DDX10: variants seen among roughly 807,000 people sequenced by gnomAD.
DDX10 encodes probable ATP-dependent RNA helicase DDX10.
Under a neutral mutation model 104.3 loss-of-function variants are expected in DDX10, and 74 were observed. The observed-to-expected ratio is 0.71, with a 90% CI of 0.59 to 0.86. The LOEUF is 0.86. Ranked by LOEUF, DDX10 falls within the 40% of genes least tolerant of loss-of-function variation. DDX10 has a pLI of 0.00. For synonymous variants in DDX10, 351 were observed against 353.4 expected, an observed-to-expected ratio of 0.99 and a Z score of 0.08; for missense variants, 952 against 1,040.0, an observed-to-expected ratio of 0.92 and a Z score of 1.16.
intron 13 of DDX10, among the ~76,000 whole-genome samples, chr11:108,832,842 A>C (rs1418558309): frequency 1.3e-5 from 2 of 152,228 alleles, no homozygotes; most frequent in Non-Finnish European, 1.5e-5. Context: ...GATATAATCA[A>C]GGCTTTTAAT....
intron 16 of DDX10, among the ~76,000 whole-genome samples, chr11:108,895,935 C>T (rs117808547): frequency 6.6e-6 from 1 of 152,168 alleles, no homozygotes; most frequent in Non-Finnish European, 1.5e-5. Context: ...ACCATTTATG[C>T]CAAAAAGAAA....
intron 13 of DDX10, among the ~76,000 whole-genome samples, chr11:108,787,479 A>G (rs564115171): frequency 5.5e-4 from 84 of 152,208 alleles, no homozygotes; most frequent in African/African-American, 1.8e-3. Flanking sequence ...AAGAATGCCA[A>G]TGAGCTGTAA....
intron 13 of DDX10, among the ~76,000 whole-genome samples, chr11:108,739,787 C>T (rs996559926): frequency 1.1e-4 from 17 of 152,076 alleles, no homozygotes; most frequent in African/African-American, 2.9e-4. Context: ...GGTCAGATGC[C>T]GAGTGAGTAT....
intron 13 of DDX10, among the ~76,000 whole-genome samples, chr11:108,812,841 G>A (rs1862202123): frequency 6.6e-6 from 1 of 151,782 alleles, no homozygotes; most frequent in Non-Finnish European, 1.5e-5. Context: ...AATTAGCCGG[G>A]CATGGTGGCA....
intron 9 of DDX10, among the ~76,000 whole-genome samples, chr11:108,694,131 C>G (rs1232106385): frequency 6.6e-6 from 1 of 152,078 alleles, no homozygotes; most frequent in Non-Finnish European, 1.5e-5. Context: ...GAAGGGTGAG[C>G]AATTTAAAAC....
intron 13 of DDX10, among the ~76,000 whole-genome samples, chr11:108,739,351 C>A (rs531561572): frequency 2.0e-5 from 3 of 152,300 alleles, no homozygotes; most frequent in Admixed American, 6.5e-5. Context: ...TGATAAGACC[C>A]TAAATTAGTG....
chr11:108,729,375 A>C, intron 13 of DDX10, among the ~76,000 whole-genome samples: 1 of 152,176 alleles, frequency 6.6e-6, no homozygotes, highest in Admixed American at 6.5e-5. Context: ...CTGATAAACT[A>C]TCAGTCCCTG....
intron 17 of DDX10, among the ~76,000 whole-genome samples, chr11:108,933,565 A>G (rs1864001187): frequency 6.6e-6 from 1 of 152,192 alleles, no homozygotes; most frequent in African/African-American, 2.4e-5. Context: ...TGATCTTTTT[A>G]TAATCTTAAA....
chr11:108,675,512 A>G, intron 2 of DDX10, 84 bp from the exon 3 acceptor site: 3 of 1,482,818 alleles, frequency 2.0e-6, no homozygotes, highest in Non-Finnish European at 2.7e-6. Context: ...CAACATAGGA[A>G]TTTTGGGGGA....
chr11:108,728,542 T>G, intron 13 of DDX10, among the ~76,000 whole-genome samples: 1 of 134,950 alleles, frequency 7.4e-6, no homozygotes, highest in African/African-American at 3.1e-5. Flanking sequence ...AGAAATAGGG[T>G]CTCGCTCTGT....
At chr11:108,684,341 C>A (rs2094240138) in intron 6 of DDX10, among the ~76,000 whole-genome samples, 1 of 95,118 alleles carries the variant, frequency 1.1e-5, no homozygotes, top group Admixed American at 1.3e-4. Flanking sequence ...CCAATGCTAT[C>A]CCTCCCCCCT....
intron 12 of DDX10, among the ~76,000 whole-genome samples, chr11:108,720,111 T>A (rs1445606086): frequency 6.6e-6 from 1 of 152,224 alleles, no homozygotes; most frequent in African/African-American, 2.4e-5. Flanking sequence ...ATTCTTAGTT[T>A]AAGCCACTCT....
chr11:108,787,034 G>T (rs988177103), intron 13 of DDX10, among the ~76,000 whole-genome samples: 1 of 152,102 alleles, frequency 6.6e-6, no homozygotes, highest in Non-Finnish European at 1.5e-5. Flanking sequence ...TTGTAAGGCT[G>T]GTGTGGTAAT....
intron 4 of DDX10, 80 bp from the exon 5 acceptor site, chr11:108,678,235 G>A: frequency 7.1e-7 from 1 of 1,411,248 alleles, no homozygotes; most frequent in Non-Finnish European, 9.5e-7. Flanking sequence ...AAATGCCCAT[G>A]CAGATGGCTT....
At chr11:108,702,323 C>T (rs61913979) in intron 9 of DDX10, among the ~76,000 whole-genome samples, 18,679 of 152,034 alleles carry the variant, frequency 0.12, 1,554 homozygotes, top group East Asian at 0.27. Context: ...TGTATGTCTG[C>T]ATATATTTTT....
chr11:108,867,299 T>G (rs1195151056), intron 16 of DDX10, among the ~76,000 whole-genome samples: 2 of 152,206 alleles, frequency 1.3e-5, no homozygotes, highest in Non-Finnish European at 2.9e-5. Flanking sequence ...GAATGTGTGC[T>G]TATGTACCCA....
chr11:108,817,996 G>A (rs1862277591), intron 13 of DDX10, among the ~76,000 whole-genome samples: 1 of 152,182 alleles, frequency 6.6e-6, no homozygotes, highest in African/African-American at 2.4e-5. Flanking sequence ...ACGCAAAATA[G>A]TGAATTTTAT....
chr11:108,839,410 C>T (rs1862605882), intron 14 of DDX10, among the ~76,000 whole-genome samples: 1 of 152,274 alleles, frequency 6.6e-6, no homozygotes, highest in South Asian at 2.1e-4. Context: ...TCTTCCACTC[C>T]ACTTCTTCTT....
intron 13 of DDX10, among the ~76,000 whole-genome samples, chr11:108,769,502 A>C (rs2094360295): frequency 6.6e-6 from 1 of 152,166 alleles, no homozygotes; most frequent in Non-Finnish European, 1.5e-5. Context: ...TTATATCTTT[A>C]GTAAATGTTA....
Sources: allele counts gnomAD v4.1 joint callset (sites outside exome capture counted in the v4.1 genomes callset), GRCh38; gene constraint gnomAD v4.1.1; transcripts MANE v1.5; gene names NCBI Gene and HGNC (gene_info 2026-07-23, HGNC 2026-07-21).